TAX1BP1: variants seen among roughly 807,000 people sequenced by gnomAD.
The protein encoded by TAX1BP1 is tax1-binding protein 1.
In TAX1BP1, 62 loss-of-function variants were observed where a neutral mutation model predicts 97.7. The ratio of observed to expected loss-of-function variants is 0.63; its 90% CI spans 0.52 to 0.78. The LOEUF is 0.78. Among genes scored for constraint, TAX1BP1 ranks in the 30% least tolerant of loss-of-function variants. The pLI, the probability that TAX1BP1 is intolerant of heterozygous loss-of-function variation, is 0.00. For synonymous variants in TAX1BP1, 340 were observed against 304.2 expected, an observed-to-expected ratio of 1.12 and a Z score of -1.23; for missense variants, 867 against 916.1, an observed-to-expected ratio of 0.95 and a Z score of 0.69.
intron 1 of TAX1BP1, among the ~76,000 whole-genome samples, chr7:27,743,184 A>G (rs1301564116): frequency 6.6e-6 from 1 of 152,238 alleles, no homozygotes; most frequent in Admixed American, 6.5e-5. Flanking sequence ...ACTCAGGTGT[A>G]AAGGATTCTG....
At chr7:27,776,121 G>A (rs1769426320) in intron 5 of TAX1BP1, among the ~76,000 whole-genome samples, 1 of 152,116 alleles carries the variant, frequency 6.6e-6, no homozygotes, top group South Asian at 2.1e-4. Flanking sequence ...TTCTAGTAAT[G>A]TAAATTAACA....
At chr7:27,816,185 A>G (rs1270246385) in intron 13 of TAX1BP1, among the ~76,000 whole-genome samples, 164 bp from the exon 14 acceptor site, 2 of 152,244 alleles carry the variant, frequency 1.3e-5, no homozygotes, top group Non-Finnish European at 2.9e-5. Context: ...GGATACATTT[A>G]TGAGAAGTTG....
intron 1 of TAX1BP1, among the ~76,000 whole-genome samples, chr7:27,745,800 A>G (rs1182439855): frequency 1.3e-5 from 2 of 152,052 alleles, no homozygotes; most frequent in Non-Finnish European, 2.9e-5. Flanking sequence ...ACATTTATAT[A>G]TACTTGTAAA....
At chr7:27,766,995 A>G (rs1201877942) in intron 4 of TAX1BP1, among the ~76,000 whole-genome samples, 1 of 152,226 alleles carries the variant, frequency 6.6e-6, no homozygotes, top group African/African-American at 2.4e-5. Flanking sequence ...TGGAGTCATG[A>G]TCATGGCTTT....
chr7:27,796,612 A>C (rs1789943590), intron 12 of TAX1BP1, among the ~76,000 whole-genome samples: 2 of 152,214 alleles, frequency 1.3e-5, no homozygotes, highest in Admixed American at 1.3e-4. Context: ...CTGTAATCCC[A>C]GCACCTTGGG....
intron 5 of TAX1BP1, among the ~76,000 whole-genome samples, chr7:27,775,682 A>G (rs930154482): frequency 6.6e-6 from 1 of 152,130 alleles, no homozygotes. Context: ...AGGTAGTAGT[A>G]GCCAGGCTGC....
chr7:27,810,386 A>G (rs961567641), intron 13 of TAX1BP1, among the ~76,000 whole-genome samples: 4 of 152,148 alleles, frequency 2.6e-5, no homozygotes, highest in Non-Finnish European at 4.4e-5. Flanking sequence ...CCTATTTCTC[A>G]ATAGCCCTGT....
At chr7:27,788,880 T>C (rs4719908) in intron 8 of TAX1BP1, among the ~76,000 whole-genome samples, 117,745 of 151,944 alleles carry the variant, frequency 0.77, 46,695 homozygotes, top group African/African-American at 0.94. Flanking sequence ...ATTGCTACTA[T>C]GGGGCTGCTG....
At chr7:27,822,352 G>A (rs1791009837) in intron 15 of TAX1BP1, among the ~76,000 whole-genome samples, 1 of 152,126 alleles carries the variant, frequency 6.6e-6, no homozygotes. Flanking sequence ...GGAATTACTA[G>A]GTCAGTTCCA....
Position 27,828,924 on chromosome 7 carries a change from C to G in TAX1BP1, c.*95C>G. ...CACTGAGGAGACCATAGAGCGGATG[C>G]TTTCATGCACCCTTTACTGCACTTT... On this transcript the variant is annotated 3_prime_UTR_variant, in exon 17 of 17. Coordinates refer to ENST00000396319, the MANE Select transcript of TAX1BP1 (RefSeq NM_006024.7). 1 of 973,932 alleles carries G rather than the reference C, an allele frequency of 1.0e-6. No homozygotes were observed. Among genetic ancestry groups the G allele is most frequent in the South Asian group, 1.7e-5 (1 of 57,496 alleles). The allele number at this position is 973,932 out of a possible 1,614,324, so 60.3% of individuals were successfully genotyped here. A position where few individuals can be genotyped will look rare whatever the true frequency, so the allele number is the denominator to read the frequency against.
intron 13 of TAX1BP1, among the ~76,000 whole-genome samples, chr7:27,813,178 G>A (rs1482170222): frequency 9.3e-6 from 1 of 107,716 alleles, no homozygotes; most frequent in Non-Finnish European, 1.8e-5. Context: ...CTTAAAGACA[G>A]CATCTCCCTG....
chr7:27,793,366 A>C (rs1294307601), intron 10 of TAX1BP1, among the ~76,000 whole-genome samples, 154 bp downstream of exon 10: 2 of 152,176 alleles, frequency 1.3e-5, no homozygotes, highest in Non-Finnish European at 2.9e-5. Context: ...ACTCTTCTTT[A>C]AAAAAGTCTG....
At position 27,794,338 on chromosome 7, in the gene TAX1BP1, G is replaced by T; in HGVS notation, c.1426G>T (p.Val476Phe). Residue 476 changes from valine (V) to phenylalanine (F), a missense_variant, in exon 11 of 17, where the codon GTC becomes TTC. By Grantham distance (50) the Val-to-Phe change is conservative (BLOSUM62 -1). Coordinates refer to ENST00000396319, the MANE Select transcript of TAX1BP1 (RefSeq NM_006024.7). ...TTTTGAATAGGCTAATAATAATAATGTCTTCACAAAGAAAACGGGGAATCA... is the reference window on the plus strand; with the variant it reads ...TTTTGAATAGGCTAATAATAATAATTTCTTCACAAAGAAAACGGGGAATCA... ...LSDQSANNNNVFTKKTGNQQK... is the reference protein window; with the variant it reads ...LSDQSANNNNFFTKKTGNQQK... The T allele has an allele frequency of 6.2e-7, 1 of 1,611,650 alleles. No homozygotes were observed. Among genetic ancestry groups the T allele is most frequent in the Non-Finnish European group, 8.5e-7 (1 of 1,178,518 alleles).
intron 15 of TAX1BP1, among the ~76,000 whole-genome samples, chr7:27,824,194 C>T (rs532118272): frequency 6.6e-6 from 1 of 152,002 alleles, no homozygotes; most frequent in Non-Finnish European, 1.5e-5. Context: ...TGAGGAACTA[C>T]CATGTATGAT....
At chr7:27,753,145 T>C (rs1257398525) in intron 2 of TAX1BP1, among the ~76,000 whole-genome samples, 1 of 151,992 alleles carries the variant, frequency 6.6e-6, no homozygotes, top group African/African-American at 2.4e-5. Flanking sequence ...ACTAAAAATA[T>C]AAAAATTAGC....
chr7:27,820,357 G>A (rs1790927700), intron 15 of TAX1BP1, among the ~76,000 whole-genome samples: 1 of 151,884 alleles, frequency 6.6e-6, no homozygotes, highest in Non-Finnish European at 1.5e-5. Context: ...TCTTTTTTCT[G>A]GTGAGTTCTA....
intron 2 of TAX1BP1, among the ~76,000 whole-genome samples, chr7:27,750,426 C>A (rs1338349388): frequency 6.6e-6 from 1 of 152,154 alleles, no homozygotes. Flanking sequence ...AAATCCAAAG[C>A]ACTTCTGGTC....
rs768980138 is a variant in TAX1BP1 at position 27,828,613 on chromosome 7, AT to A, written c.2169-10del. The A allele has an allele frequency of 4.3e-6, 7 of 1,611,266 alleles. No homozygotes were observed. Among genetic ancestry groups the A allele is most frequent in the Non-Finnish European group, 5.9e-6 (7 of 1,178,130 alleles). On this transcript the variant is annotated splice_polypyrimidine_tract_variant and intron_variant, in intron 16 of 16. Coordinates refer to ENST00000396319, the MANE Select transcript of TAX1BP1 (RefSeq NM_006024.7). ...TTTATTAGAAACATGTAATTCTTTC[AT>A]TTTTCTCTTTAAGCTTTGATGTTCA...
intron 3 of TAX1BP1, among the ~76,000 whole-genome samples, chr7:27,764,961 C>T (rs1175593826): frequency 1.7e-4 from 3 of 17,276 alleles, no homozygotes; most frequent in Non-Finnish European, 1.2e-4. Flanking sequence ...TGCTTTAAAG[C>T]GCCACAAGAA....
Sources: allele counts gnomAD v4.1 joint callset (sites outside exome capture counted in the v4.1 genomes callset), GRCh38; gene constraint gnomAD v4.1.1; transcripts MANE v1.5; gene names NCBI Gene and HGNC (gene_info 2026-07-23, HGNC 2026-07-21).